OR52R1: variants seen among roughly 807,000 people sequenced by gnomAD.
OR52R1 encodes olfactory receptor family 52 subfamily R member 1, also known as olfactory receptor 52R1.
For missense variants in OR52R1, 432 were observed against 395.1 expected (o/e 1.09, Z -0.79); for synonymous variants, 159 against 150.1 (o/e 1.06, Z -0.43).
Position 4,803,650 on chromosome 11 carries a change from C to A in OR52R1, c.731G>T (p.Arg244Leu). Residue 244 changes from arginine (R) to leucine (L), a missense_variant, in exon 1 of 1, where the codon CGT (arginine) becomes CTT (leucine). Physicochemically the swap from Arg to Leu is moderately radical, Grantham distance 102 (BLOSUM62 -2). Coordinates refer to ENST00000624978, the MANE Select transcript of OR52R1 (RefSeq NM_001005177.3). ...GEARLKAFST[R>L]SSHICVILAL... ...CAAGATGACACAGATATGGGAGGAA[C>A]GTGTGCTAAAAGCTTTGAGGCGGGC... 6.2e-7 allele frequency: 1 copy of A among 1,613,896 alleles called. No individual in the cohort carries two copies. Among genetic ancestry groups the A allele is most frequent in the Non-Finnish European group, 8.5e-7 (1 of 1,179,968 alleles).
At position 4,804,203 on chromosome 11, in the gene OR52R1, C is replaced by T. The variant is rs76140227; in HGVS notation, c.178G>A (p.Glu60Lys). Residue 60 changes from glutamate to lysine, a missense_variant, in exon 1 of 1, where the codon GAG becomes AAG. Physicochemically the swap from Glu to Lys is moderately conservative, Grantham distance 56 (BLOSUM62 1). Coordinates refer to ENST00000624978, the MANE Select transcript of OR52R1 (RefSeq NM_001005177.3). Reference protein sequence around the residue: ...HVIRIDHTLHEPMYLFLAMLA... With the variant: ...HVIRIDHTLHKPMYLFLAMLA... ...ATGGCCAGAAAGAGGTACATGGGCT[C>T]ATGCAGGGTGTGGTCAATTCTGATT... The T allele has an allele frequency of 9.0e-4, 1,450 of 1,614,058 alleles. 15 individuals carry two copies. The African/African-American group carries it at 0.015, about 17-fold the overall frequency.
chr11:4,804,350 G>A lies in OR52R1; in HGVS notation c.31C>T (p.His11Tyr). Reference protein sequence around the residue: MVLASGNSSSHPVSFILLGIP... With the variant: MVLASGNSSSYPVSFILLGIP... ...CCAAGCAGGATGAAGGACACAGGAT[G>A]AGAAGAGCTGTTCCCTGAAGCCAGC... The change falls in exon 1 of 1, where the codon CAT becomes TAT. Residue 11 changes from histidine to tyrosine, a missense_variant. Transcript: ENST00000624978. 1 of 1,614,146 alleles carries A rather than the reference G, an allele frequency of 6.2e-7. No homozygotes were observed. The highest frequency in any genetic ancestry group is 8.5e-7 in the Non-Finnish European group (1 of 1,180,012).
Position 4,803,977 on chromosome 11 carries a change from T to C in OR52R1, c.404A>G (p.His135Arg), listed in dbSNP as rs1431753483. The C allele has an allele frequency of 1.6e-5, 25 of 1,612,778 alleles. No individual in the cohort carries two copies. Among genetic ancestry groups the C allele is most frequent in the Non-Finnish European group, 2.0e-5 (24 of 1,179,826 alleles). Reference protein sequence around the residue: ...CYVAICFPLRHSSILTPSVVI... With the variant: ...CYVAICFPLRRSSILTPSVVI... ...GACCGATGGGGTCAGGATGCTAGAG[T>C]GTCGGAGTGGGAAGCAGATAGCCAC... Residue 135 changes from histidine (H) to arginine (R), a missense_variant, in exon 1 of 1, where the codon CAC (histidine) becomes CGC (arginine). Coordinates refer to ENST00000624978, the MANE Select transcript of OR52R1 (RefSeq NM_001005177.3).
rs756315746 is a variant in OR52R1 at position 4,804,212 on chromosome 11, T to G, written c.169A>C (p.Thr57Pro). 1.2e-6 allele frequency: 2 copies of G among 1,613,876 alleles called. No individual in the cohort carries two copies. Among genetic ancestry groups the G allele is most frequent in the South Asian group, 2.2e-5 (2 of 91,044 alleles). ...AAGAGGTACATGGGCTCATGCAGGGTGTGGTCAATTCTGATTACATGGAGG... is the reference window on the plus strand; with the variant it reads ...AAGAGGTACATGGGCTCATGCAGGGGGTGGTCAATTCTGATTACATGGAGG... ...TLLHVIRIDH[T>P]LHEPMYLFLA... is the part of the protein sequence containing the mutation. Residue 57 changes from threonine to proline, a missense_variant, in exon 1 of 1, where the codon ACC becomes CCC. Coordinates refer to ENST00000624978, the MANE Select transcript of OR52R1 (RefSeq NM_001005177.3).
In OR52R1 at chr11:4,804,276, A is replaced by G. The variant is rs148450278; in HGVS notation, c.105T>C (p.Cys35=). ...CAACAACAGCCACAGCATACGTGGC[A>G]CAGAACGGAAAGGCAATCCACAACT... The part of the protein sequence containing the change: ...SFQLWIAFPF[C]ATYAVAVVGN... Residue 35 remains cysteine (C), a synonymous_variant, in exon 1 of 1, where the codon TGT becomes TGC. Transcript: ENST00000624978. The G allele has an allele frequency of 3.0e-5, 48 of 1,614,044 alleles. No homozygotes were observed. The African/African-American group carries it at 4.1e-4, about 14-fold the overall frequency.
chr11:4,804,167 T>C lies in OR52R1; in HGVS notation c.214A>G (p.Thr72Ala). The change falls in exon 1 of 1, where the codon ACT becomes GCT. Residue 72 changes from threonine (T) to alanine (A), a missense_variant. Transcript: ENST00000624978. ...GTGGAGGAGGAGAGGACCAGGTCAG[T>C]GATGGCCAGCATGGCCAGAAAGAGG... ...MYLFLAMLAI[T>A]DLVLSSSTQP... The C allele has an allele frequency of 6.2e-7, 1 of 1,614,022 alleles. No individual in the cohort carries two copies. The highest frequency in any genetic ancestry group is 8.5e-7 in the Non-Finnish European group (1 of 1,179,992).
In OR52R1 at chr11:4,803,516, T is replaced by G. The variant is rs759887867; in HGVS notation, c.865A>C (p.Met289Leu). The change falls in exon 1 of 1, where the codon ATG becomes CTG. Residue 289 changes from methionine (M) to leucine (L), a missense_variant. Transcript: ENST00000624978. Reference protein sequence around the residue: ...FANLYLLIPPMLNPIIYGVRT... With the variant: ...FANLYLLIPPLLNPIIYGVRT... ...ACTCCATAAATGATGGGGTTGAGCA[T>G]GGGAGGTATCAGTAGATAGAGATTA... The G allele has an allele frequency of 1.2e-6, 2 of 1,613,840 alleles. No individual in the cohort carries two copies. Among genetic ancestry groups the G allele is most frequent in the Admixed American group, 3.3e-5 (2 of 59,994 alleles).
In OR52R1 at chr11:4,804,283, G is replaced by A. The variant is rs758229857; in HGVS notation, c.98C>T (p.Pro33Leu). The change falls in exon 1 of 1, where the codon CCG (proline) becomes CTG (leucine). Residue 33 changes from proline (P) to leucine (L), a missense_variant. By Grantham distance (98) the Pro-to-Leu change is moderately conservative (BLOSUM62 -3). Transcript: ENST00000624978. ...LESFQLWIAF[P>L]FCATYAVAVV... Reference sequence around the variant, plus strand: ...AGCCACAGCATACGTGGCACAGAACGGAAAGGCAATCCACAACTGGAAACT... The same window carrying A: ...AGCCACAGCATACGTGGCACAGAACAGAAAGGCAATCCACAACTGGAAACT... 15 of 1,613,906 alleles carry A rather than the reference G, an allele frequency of 9.3e-6. No individual in the cohort carries two copies. The highest frequency in any genetic ancestry group is 3.3e-5 in the Admixed American group (2 of 59,974).
In OR52R1 at chr11:4,804,363, C is replaced by T. The variant is rs761064203; in HGVS notation, c.18G>A (p.Gly6=). The T allele has an allele frequency of 3.1e-6, 5 of 1,614,096 alleles. No individual in the cohort carries two copies. The highest frequency in any genetic ancestry group is 4.5e-5 in the East Asian group (2 of 44,868). The change falls in exon 1 of 1, where the codon GGG becomes GGA. Residue 6 remains glycine (G), a synonymous_variant. Transcript: ENST00000624978. The part of the protein sequence containing the change: MVLAS[G]NSSSHPVSFI... ...AGGACACAGGATGAGAAGAGCTGTT[C>T]CCTGAAGCCAGCACCATGGACTGGT...
In OR52R1 at chr11:4,803,446, C is replaced by T; in HGVS notation, c.935G>A (p.Gly312Glu). 6.2e-7 allele frequency: 1 copy of T among 1,603,724 alleles called. No homozygotes were observed. Among genetic ancestry groups the T allele is most frequent in the Non-Finnish European group, 8.5e-7 (1 of 1,172,794 alleles). Reference protein sequence around the residue: ...IGDRVIQGCCGNIP With the variant: ...IGDRVIQGCCENIP ...CTGACCCTTTGCTCAGGGGATGTTT[C>T]CACAACATCCTTGGATAACCCTGTC... is the stretch of plus-strand genomic sequence containing the variant. Residue 312 changes from glycine to glutamate, a missense_variant, in exon 1 of 1, where the codon GGA becomes GAA. Transcript: ENST00000624978.
chr11:4,804,297 C>A lies in OR52R1; in HGVS notation c.84G>T (p.Leu28Phe). 1 of 1,614,052 alleles carries A rather than the reference C, an allele frequency of 6.2e-7. No homozygotes were observed. The change falls in exon 1 of 1, where the codon TTG becomes TTT. Residue 28 changes from leucine (L) to phenylalanine (F), a missense_variant. Transcript: ENST00000624978. ...LGIPGLESFQ[L>F]WIAFPFCATY... is the part of the protein sequence containing the mutation. ...TGGCACAGAACGGAAAGGCAATCCACAACTGGAAACTCTCCAGGCCTGGGA... is the reference window on the plus strand; with the variant it reads ...TGGCACAGAACGGAAAGGCAATCCAAAACTGGAAACTCTCCAGGCCTGGGA...
In OR52R1 at chr11:4,803,956, G is replaced by A. The variant is rs903426846; in HGVS notation, c.425C>T (p.Ser142Leu). 15 of 1,613,444 alleles carry A rather than the reference G, an allele frequency of 9.3e-6. No individual in the cohort carries two copies. Among genetic ancestry groups the A allele is most frequent in the Admixed American group, 8.3e-5 (5 of 59,892 alleles). The change falls in exon 1 of 1, where the codon TCG becomes TTG. Residue 142 changes from serine to leucine, a missense_variant. Coordinates refer to ENST00000624978, the MANE Select transcript of OR52R1 (RefSeq NM_001005177.3). ...PLRHSSILTPSVVIKLGTIVM... is the reference protein window; with the variant it reads ...PLRHSSILTPLVVIKLGTIVM... ...GATGGTCCCCAGTTTGATCACGACCGATGGGGTCAGGATGCTAGAGTGTCG... is the reference window on the plus strand; with the variant it reads ...GATGGTCCCCAGTTTGATCACGACCAATGGGGTCAGGATGCTAGAGTGTCG...
Position 4,804,092 on chromosome 11 carries a change from A to G in OR52R1, c.289T>C (p.Tyr97His). Residue 97 changes from tyrosine (Y) to histidine (H), a missense_variant, in exon 1 of 1, where the codon TAC (tyrosine) becomes CAC (histidine). Tyr to His is a moderately conservative substitution (Grantham distance 83). Transcript: ENST00000624978. The stretch of plus-strand genomic sequence containing the variant: ...AACACCTGGATGAGGCAGGCATGGT[A>G]CTGAATCTCATGAGCATGAAACCAG... ...IFWFHAHEIQ[Y>H]HACLIQVFFI... 29 of 1,614,122 alleles carry G rather than the reference A, an allele frequency of 1.8e-5. 1 individual carries two copies. Among genetic ancestry groups the G allele is most frequent in the Non-Finnish European group, 2.5e-5 (29 of 1,180,028 alleles).
Position 4,804,250 on chromosome 11 carries a change from CCAA to C in OR52R1, c.128_130del (p.Val43del). On this transcript the variant is annotated inframe_deletion, in exon 1 of 1. Coordinates refer to ENST00000624978, the MANE Select transcript of OR52R1 (RefSeq NM_001005177.3). The stretch of plus-strand genomic sequence containing the variant: ...GATTACATGGAGGAGAGTGATATTT[CCAA>C]CAACAGCCACAGCATACGTGGCACA... 1.2e-6 allele frequency: 2 copies of C among 1,613,838 alleles called. No individual in the cohort carries two copies. Among genetic ancestry groups the C allele is most frequent in the Non-Finnish European group, 8.5e-7 (1 of 1,179,902 alleles).
chr11:4,804,034 C>G lies in OR52R1; in HGVS notation c.347G>C (p.Gly116Ala). The G allele has an allele frequency of 6.2e-7, 1 of 1,613,896 alleles. No homozygotes were observed. Among genetic ancestry groups the G allele is most frequent in the Non-Finnish European group, 8.5e-7 (1 of 1,179,996 alleles). Residue 116 changes from glycine to alanine, a missense_variant, in exon 1 of 1, where the codon GGG becomes GCG. Physicochemically the swap from Gly to Ala is moderately conservative, Grantham distance 60. Coordinates refer to ENST00000624978, the MANE Select transcript of OR52R1 (RefSeq NM_001005177.3). ...FIHAFSSVES[G>A]VLMAMALDCY... is the part of the protein sequence containing the mutation. Reference sequence around the variant, plus strand: ...GTCCAGGGCCATAGCCATGAGCACCCCAGACTCCACAGAAGAAAAGGCATG... The same window carrying G: ...GTCCAGGGCCATAGCCATGAGCACCGCAGACTCCACAGAAGAAAAGGCATG...
At position 4,803,617 on chromosome 11, in the gene OR52R1, T is replaced by C. The variant is rs202114727; in HGVS notation, c.764A>G (p.Tyr255Cys). 266 of 1,613,610 alleles carry C rather than the reference T, an allele frequency of 1.6e-4. No homozygotes were observed. The highest frequency in any genetic ancestry group is 2.2e-4 in the Non-Finnish European group (255 of 1,179,964). ...SSHICVILAL[Y>C]IPALFSFLTY... ...GAGGAAAGAAAAAAGGGCTGGGATA[T>C]AAAGAGCCAAGATGACACAGATATG... Residue 255 changes from tyrosine to cysteine, a missense_variant, in exon 1 of 1, where the codon TAT becomes TGT. Tyr to Cys is a radical substitution (Grantham distance 194). Transcript: ENST00000624978.
In OR52R1 at chr11:4,804,364, C is replaced by T; in HGVS notation, c.17G>A (p.Gly6Glu). MVLAS[G>E]NSSSHPVSFI... The stretch of plus-strand genomic sequence containing the variant: ...GGACACAGGATGAGAAGAGCTGTTC[C>T]CTGAAGCCAGCACCATGGACTGGTT... The change falls in exon 1 of 1, where the codon GGG becomes GAG. Residue 6 changes from glycine to glutamate, a missense_variant. Physicochemically the swap from Gly to Glu is moderately conservative, Grantham distance 98 (BLOSUM62 -2). Coordinates refer to ENST00000624978, the MANE Select transcript of OR52R1 (RefSeq NM_001005177.3). 6.2e-7 allele frequency: 1 copy of T among 1,614,086 alleles called. No individual in the cohort carries two copies. Among genetic ancestry groups the T allele is most frequent in the Non-Finnish European group, 8.5e-7 (1 of 1,179,980 alleles).
rs758370052 is a variant in OR52R1 at position 4,804,002 on chromosome 11, C to T, written c.379G>A (p.Val127Met). 50 of 1,613,706 alleles carry T rather than the reference C, an allele frequency of 3.1e-5. No homozygotes were observed. Among genetic ancestry groups the T allele is most frequent in the South Asian group, 4.4e-5 (4 of 91,068 alleles). The change falls in exon 1 of 1, where the codon GTG becomes ATG. Residue 127 changes from valine to methionine, a missense_variant. Physicochemically the swap from Val to Met is conservative, Grantham distance 21 (BLOSUM62 1). Transcript: ENST00000624978. ...TGTCGGAGTGGGAAGCAGATAGCCA[C>T]GTAGCAGTCCAGGGCCATAGCCATG... ...VLMAMALDCY[V>M]AICFPLRHSS...
At position 4,804,126 on chromosome 11, in the gene OR52R1, C is replaced by T. The variant is rs867646799; in HGVS notation, c.255G>A (p.Leu85=). 8 of 1,614,078 alleles carry T rather than the reference C, an allele frequency of 5.0e-6. No homozygotes were observed. Among genetic ancestry groups the T allele is most frequent in the Middle Eastern group, 3.3e-4 (2 of 6,062 alleles). The part of the protein sequence containing the change: ...VLSSSTQPKM[L]AIFWFHAHEI... ...CATGAGCATGAAACCAGAATATGGC[C>T]AACATCTTAGGTTGAGTGGAGGAGG... The change falls in exon 1 of 1, where the codon TTG becomes TTA. Residue 85 remains leucine, a synonymous_variant. Transcript: ENST00000624978.
Sources: allele counts gnomAD v4.1 joint callset, GRCh38; gene constraint gnomAD v4.1.1; transcripts MANE v1.5; gene names NCBI Gene and HGNC (gene_info 2026-07-23, HGNC 2026-07-21).